The following AQP3 variants were observed in gnomAD, a reference collection of about 807,000 sequenced individuals.
The protein encoded by AQP3 is aquaporin-3.
In AQP3, 15 loss-of-function variants were observed where a neutral mutation model predicts 30.3. The ratio of observed to expected loss-of-function variants is 0.49; its 90% CI spans 0.33 to 0.76. AQP3 has a LOEUF of 0.76. AQP3 is among the 30% of genes least tolerant of loss of function. The pLI, the probability that AQP3 is intolerant of heterozygous loss-of-function variation, is 0.02. For missense variants in AQP3, 272 were observed against 384.8 expected, an observed-to-expected ratio of 0.71 and a Z score of 2.45; for synonymous variants, 153 against 163.2, an observed-to-expected ratio of 0.94 and a Z score of 0.47.
At chr9:33,446,833 T>C (rs1369241510) in intron 1 of AQP3, among the ~76,000 whole-genome samples, 1 of 152,182 alleles carries the variant, frequency 6.6e-6, no homozygotes, top group Non-Finnish European at 1.5e-5. Context: ...TGCCTGGGCC[T>C]AGCTTCCTCC....
chr9:33,441,333 G>C lies in AQP3; in HGVS notation c.*710C>G, dbSNP rs1252528803. 2 of 153,110 alleles carry C rather than the reference G, an allele frequency of 1.3e-5. No individual in the cohort carries two copies. Among genetic ancestry groups the C allele is most frequent in the African/African-American group, 2.4e-5 (1 of 41,348 alleles). The allele number at this position is 153,110 out of a possible 1,614,324, so 9.5% of individuals were successfully genotyped here. On this transcript the variant is annotated 3_prime_UTR_variant, in exon 6 of 6. Coordinates refer to ENST00000297991, the MANE Select transcript of AQP3 (RefSeq NM_004925.5). ...AACAAAACAAAACAAAAGCAAACAT[G>C]AAACTTATGACCTGACTTCACTCCA... is the stretch of plus-strand genomic sequence containing the variant.
chr9:33,445,153 T>C (rs1027635155), intron 1 of AQP3, among the ~76,000 whole-genome samples: 2 of 152,116 alleles, frequency 1.3e-5, no homozygotes, highest in African/African-American at 4.8e-5. Flanking sequence ...AAAAAGAACG[T>C]ACTATGTCTG....
At position 33,443,013 on chromosome 9, in the gene AQP3, G is replaced by A. The variant is rs1347581303; in HGVS notation, c.374-43C>T. On this transcript the variant is annotated intron_variant, in intron 3 of 5. Transcript: ENST00000297991. This position sits in a 1 kb window ranked among gnomAD's most constrained non-coding sequence, Gnocchi z 5.0. ...ACACAGTGAGTCGGGGGAGAGGCCT[G>A]AGCCCAGACTTCCCTCTCAGGTGTG... is the stretch of plus-strand genomic sequence containing the variant. The A allele has an allele frequency of 6.4e-7, 1 of 1,561,130 alleles. No homozygotes were observed. The highest frequency in any genetic ancestry group is 1.1e-5 in the South Asian group (1 of 89,950).
rs1826828892 is a variant in AQP3, at chr9:33,441,391, C to T, written c.*652G>A. Reference sequence around the variant, plus strand: ...TGCCTGCATTATGACAGAAACACGTCCCACTGCTCCTACTTATGTATGTAC... The same window carrying T: ...TGCCTGCATTATGACAGAAACACGTTCCACTGCTCCTACTTATGTATGTAC... On this transcript the variant is annotated 3_prime_UTR_variant, in exon 6 of 6. Coordinates refer to ENST00000297991, the MANE Select transcript of AQP3 (RefSeq NM_004925.5). 1 of 153,652 alleles carries T rather than the reference C, an allele frequency of 6.5e-6. No homozygotes were observed. Among genetic ancestry groups the T allele is most frequent in the East Asian group, 1.9e-4 (1 of 5,208 alleles). The allele number at this position is 153,652 out of a possible 1,614,324, so 9.5% of individuals were successfully genotyped here.
chr9:33,441,778 C>T lies in AQP3; in HGVS notation c.*265G>A. 1.7e-6 allele frequency: 1 copy of T among 598,088 alleles called. No homozygotes were observed. The highest frequency in any genetic ancestry group is 3.0e-6 in the Non-Finnish European group (1 of 336,280). The allele number at this position is 598,088 out of a possible 1,614,324, so 37.0% of individuals were successfully genotyped here. On this transcript the variant is annotated 3_prime_UTR_variant, in exon 6 of 6. Transcript: ENST00000297991. ...ACACATGCACACACACACATACCTGCTGCCCATTCTCTTCCCTTGGGAGAC... is the reference window on the plus strand; with the variant it reads ...ACACATGCACACACACACATACCTGTTGCCCATTCTCTTCCCTTGGGAGAC...
rs759102395 is a variant in AQP3 at position 33,443,788 on chromosome 9, G to T, written c.213C>A (p.Ile71=). The T allele has an allele frequency of 8.1e-6, 13 of 1,613,920 alleles. No individual in the cohort carries two copies. The Admixed American group carries it at 2.0e-4, about 25-fold the overall frequency. The part of the protein sequence containing the change: ...LAFGFAVTLG[I]LIAGQVSGAH... ...TACCAGAGACCTGGCCAGCGATGAGGATGCCCAGAGTGACAGCAAAGCCAA... is the reference window on the plus strand; with the variant it reads ...TACCAGAGACCTGGCCAGCGATGAGTATGCCCAGAGTGACAGCAAAGCCAA... The change falls in exon 2 of 6, where the codon ATC becomes ATA. Residue 71 remains isoleucine (I), a synonymous_variant. Transcript: ENST00000297991. The surrounding 1 kb of genome is among the most constrained non-coding windows in gnomAD (Gnocchi z 5.0).
At chr9:33,445,219 C>T (rs1266401580) in intron 1 of AQP3, among the ~76,000 whole-genome samples, 2 of 152,194 alleles carry the variant, frequency 1.3e-5, no homozygotes, top group African/African-American at 4.8e-5. Flanking sequence ...CATTGTTGCC[C>T]TGAGCCCCCT....
At position 33,441,711 on chromosome 9, in the gene AQP3, C is replaced by CCCA. The variant is rs1554640556; in HGVS notation, c.*331_*332insTGG. 3,345 of 418,470 alleles carry CCCA rather than the reference C, an allele frequency of 8.0e-3. 108 individuals are homozygous for CCCA. Among genetic ancestry groups the CCCA allele is most frequent in the African/African-American group, 0.062 (3,032 of 49,138 alleles). The allele number at this position is 418,470 out of a possible 1,614,324, so 25.9% of individuals were successfully genotyped here. A position where few individuals can be genotyped will look rare whatever the true frequency, so the allele number is the denominator to read the frequency against. On this transcript the variant is annotated 3_prime_UTR_variant, in exon 6 of 6. Coordinates refer to ENST00000297991, the MANE Select transcript of AQP3 (RefSeq NM_004925.5). ...TGCCCTGAATATCTGGGAACCCCCCCCACACACACACACCCCTGCACACAC... is the reference window on the plus strand; with the variant it reads ...TGCCCTGAATATCTGGGAACCCCCCCCCACACACACACACACCCCTGCACACAC...
Position 33,443,704 on chromosome 9 carries a change from C to A in AQP3, c.235+62G>T. The A allele has an allele frequency of 6.2e-7, 1 of 1,610,744 alleles. No individual in the cohort carries two copies. Among genetic ancestry groups the A allele is most frequent in the Non-Finnish European group, 8.5e-7 (1 of 1,177,986 alleles). ...CAGCTGTGACCTGCCCTTAGGAATG[C>A]CAGGACACCTAGTGGGAATGCTATT... On this transcript the variant is annotated intron_variant, in intron 2 of 5. Transcript: ENST00000297991. This position sits in a 1 kb window ranked among gnomAD's most constrained non-coding sequence, Gnocchi z 5.0.
chr9:33,442,610 C>T, intron 4 of AQP3, 92 bp from the exon 5 acceptor site: 1 of 1,336,910 alleles, frequency 7.5e-7, no homozygotes, highest in South Asian at 1.2e-5. Context: ...CTCTTAAACT[C>T]TTGTCAGCGC....
At position 33,443,510 on chromosome 9, in the gene AQP3, G is replaced by A. The variant is rs781376366; in HGVS notation, c.236-52C>T. 17 of 1,593,360 alleles carry A rather than the reference G, an allele frequency of 1.1e-5. No homozygotes were observed. The highest frequency in any genetic ancestry group is 1.8e-5 in the Admixed American group (1 of 56,478). On this transcript the variant is annotated intron_variant, in intron 2 of 5. Coordinates refer to ENST00000297991, the MANE Select transcript of AQP3 (RefSeq NM_004925.5). The surrounding 1 kb of genome is among the most constrained non-coding windows in gnomAD (Gnocchi z 5.0). Reference sequence around the variant, plus strand: ...TAGCTGCAGCCTGCCACAGTCGGCAGGCTAGGGTCCCCTGAGAAGGGGTGC... The same window carrying A: ...TAGCTGCAGCCTGCCACAGTCGGCAAGCTAGGGTCCCCTGAGAAGGGGTGC...
At chr9:33,447,291 G>A in intron 1 of AQP3, 132 bp downstream of exon 1, 1 of 805,648 alleles carries the variant, frequency 1.2e-6, no homozygotes, top group South Asian at 1.5e-5. Context: ...ATCCTCCGCG[G>A]TTAAGCGTGG....
In AQP3 at chr9:33,447,592, G is replaced by A. The variant is rs1826935606; in HGVS notation, c.-62C>T. 2 of 1,331,470 alleles carry A rather than the reference G, an allele frequency of 1.5e-6. No homozygotes were observed. Among genetic ancestry groups the A allele is most frequent in the African/African-American group, 1.5e-5 (1 of 68,262 alleles). The allele number at this position is 1,331,470 out of a possible 1,614,324, so 82.5% of individuals were successfully genotyped here. ...GTGGCGGGAGGCGGTGGCGCAGCGA[G>A]CAGCGGCCTCCAGCGCTGGTGGCTC... On this transcript the variant is annotated 5_prime_UTR_variant, in exon 1 of 6. Transcript: ENST00000297991.
In AQP3 at chr9:33,443,784, T is replaced by A; in HGVS notation, c.217A>T (p.Ile73Phe). 1 of 1,613,878 alleles carries A rather than the reference T, an allele frequency of 6.2e-7. No homozygotes were observed. Among genetic ancestry groups the A allele is most frequent in the Non-Finnish European group, 8.5e-7 (1 of 1,179,938 alleles). Residue 73 changes from isoleucine to phenylalanine, a missense_variant, in exon 2 of 6, where the codon ATC (isoleucine) becomes TTC (phenylalanine). By Grantham distance (21) the Ile-to-Phe change is conservative. Around this residue, in one of 3 missense-constraint regions of AQP3, gnomAD observed 170 missense variants for 286.4 expected, o/e 0.59. Coordinates refer to ENST00000297991, the MANE Select transcript of AQP3 (RefSeq NM_004925.5). The surrounding 1 kb of genome is among the most constrained non-coding windows in gnomAD (Gnocchi z 5.0). The stretch of plus-strand genomic sequence containing the variant: ...GCCTTACCAGAGACCTGGCCAGCGA[T>A]GAGGATGCCCAGAGTGACAGCAAAG... ...FGFAVTLGIL[I>F]AGQVSGAHLN...
At position 33,443,501 on chromosome 9, in the gene AQP3, C is replaced by T. The variant is rs377229244; in HGVS notation, c.236-43G>A. On this transcript the variant is annotated intron_variant, in intron 2 of 5. Coordinates refer to ENST00000297991, the MANE Select transcript of AQP3 (RefSeq NM_004925.5). The surrounding 1 kb of genome is among the most constrained non-coding windows in gnomAD (Gnocchi z 5.0). Reference sequence around the variant, plus strand: ...GGGACCTATTAGCTGCAGCCTGCCACAGTCGGCAGGCTAGGGTCCCCTGAG... The same window carrying T: ...GGGACCTATTAGCTGCAGCCTGCCATAGTCGGCAGGCTAGGGTCCCCTGAG... 17 of 1,600,572 alleles carry T rather than the reference C, an allele frequency of 1.1e-5. No individual in the cohort carries two copies. In the African/African-American group the frequency reaches 1.2e-4, roughly 11 times the overall value.
intron 1 of AQP3, among the ~76,000 whole-genome samples, chr9:33,445,266 G>C (rs1230817065): frequency 6.6e-6 from 1 of 152,102 alleles, no homozygotes; most frequent in Non-Finnish European, 1.5e-5. Flanking sequence ...CCTTGCCCTG[G>C]TCTCCTCTCC....
Position 33,447,555 on chromosome 9 carries a change from G to C in AQP3, c.-25C>G. ...TGGCGGGGCAGGCGGCGGCGCTGTCGGGCGGGCAGGGGTGGCGGGAGGCGG... is the reference window on the plus strand; with the variant it reads ...TGGCGGGGCAGGCGGCGGCGCTGTCCGGCGGGCAGGGGTGGCGGGAGGCGG... On this transcript the variant is annotated 5_prime_UTR_variant, in exon 1 of 6. Transcript: ENST00000297991. The C allele has an allele frequency of 1.3e-6, 2 of 1,554,440 alleles. No individual in the cohort carries two copies. Among genetic ancestry groups the C allele is most frequent in the Non-Finnish European group, 1.7e-6 (2 of 1,143,000 alleles).
chr9:33,446,258 G>GCTGTGGATAAAATGCCCC (rs1281431732), intron 1 of AQP3, among the ~76,000 whole-genome samples: 2 of 152,164 alleles, frequency 1.3e-5, no homozygotes, highest in African/African-American at 2.4e-5. Context: ...CTTATGGGAG[G>GCTGTGGATAAAATGCCCC]CTGTGGATAA....
intron 1 of AQP3, among the ~76,000 whole-genome samples, chr9:33,445,712 C>A (rs1826904425): frequency 6.6e-6 from 1 of 152,148 alleles, no homozygotes; most frequent in African/African-American, 2.4e-5. Context: ...AGTTCTCGGC[C>A]AGCACCGCCC....
Sources: gnomAD v4.1 joint callset for allele counts (sites outside exome capture counted in the v4.1 genomes callset) on GRCh38, gnomAD v4.1.1 for gene constraint, gnomAD v4.1.1 regional missense constraint, Gnocchi (gnomAD v3.1) non-coding constraint, MANE v1.5 for transcripts, NCBI Gene and HGNC (gene_info 2026-07-23, HGNC 2026-07-21) for gene names.